The following CFHR4 variants were observed in gnomAD, a reference collection of about 807,000 sequenced individuals.
The protein encoded by CFHR4 is complement factor H-related protein 4.
CFHR4 carries 64 observed loss-of-function variants against 69.3 expected under a neutral mutation model. The ratio of observed to expected loss-of-function variants is 0.92; its 90% CI spans 0.76 to 1.14. The LOEUF (loss-of-function observed/expected upper bound fraction) is 1.14, where lower values mean the gene tolerates loss of function less well. Ranked by LOEUF, CFHR4 falls within the 50% of genes most tolerant of loss-of-function variation. CFHR4 has a pLI of 0.00. For missense variants in CFHR4, 636 were observed against 684.9 expected, an observed-to-expected ratio of 0.93 and a Z score of 0.80; for synonymous variants, 244 against 237.0, an observed-to-expected ratio of 1.03 and a Z score of -0.27.
intron 1 of CFHR4, among the ~76,000 whole-genome samples, chr1:196,892,579 G>A (rs1396900209): frequency 6.6e-6 from 1 of 151,202 alleles, no homozygotes; most frequent in Non-Finnish European, 1.5e-5. Flanking sequence ...TAGGGCATGG[G>A]TTATTTTTGC....
rs569821345 is a variant in CFHR4 at position 196,913,994 on chromosome 1, T to G, written c.1181-501T>G. Among the ~76,000 whole-genome samples the G allele has an allele frequency of 4.0e-4, 60 of 151,686 alleles. 2 individuals carry two copies. Among genetic ancestry groups the G allele is most frequent in the Admixed American group, 2.6e-3 (39 of 15,198 alleles). On this transcript the variant is annotated intron_variant, in intron 7 of 9. Coordinates refer to ENST00000608469, the MANE Select transcript of CFHR4 (RefSeq NM_001201550.3). The stretch of plus-strand genomic sequence containing the variant: ...TTCAATTTTACTCAGCTTTGATAAA[T>G]GATCTACTTTAAAACTTGTAAAATA...
chr1:196,918,074 A>T lies in CFHR4; in HGVS notation c.1541-136A>T, dbSNP rs1245009863. 2.2e-5 allele frequency: 21 copies of T among 965,638 alleles called. 1 individual carries two copies. The East Asian group carries it at 4.0e-4, about 19-fold the overall frequency. 59.8% of individuals were successfully genotyped at this position (965,638 alleles called of 1,614,324 possible). A position where few individuals can be genotyped will look rare whatever the true frequency, so the allele number is the denominator to read the frequency against. On this transcript the variant is annotated intron_variant, in intron 9 of 9. Transcript: ENST00000608469. ...TTTTGAAATGCTAAAGTCAGTATGT[A>T]GCACAAATTAATAACTATTAACTAT... is the stretch of plus-strand genomic sequence containing the variant.
intron 7 of CFHR4, among the ~76,000 whole-genome samples, chr1:196,913,904 T>A (rs1658424788): frequency 6.6e-6 from 1 of 151,374 alleles, no homozygotes; most frequent in Admixed American, 6.6e-5. Flanking sequence ...ATTCCTACAT[T>A]TCTAGAATAC....
Position 196,918,489 on chromosome 1 carries a change from A to G in CFHR4, c.*83A>G. On this transcript the variant is annotated 3_prime_UTR_variant, in exon 10 of 10. Transcript: ENST00000608469. ...AAAGCTTGCAAAGATAGCTTCTGAT[A>G]TTGTTGTAATTTCTACTTTATTTCA... 6.9e-6 allele frequency: 9 copies of G among 1,308,258 alleles called. No homozygotes were observed. Among genetic ancestry groups the G allele is most frequent in the Non-Finnish European group, 8.8e-6 (8 of 912,580 alleles). The allele number at this position is 1,308,258 out of a possible 1,614,324, so 81.0% of individuals were successfully genotyped here.
intron 1 of CFHR4, among the ~76,000 whole-genome samples, chr1:196,892,066 C>T (rs1657068638): frequency 6.6e-6 from 1 of 151,424 alleles, no homozygotes; most frequent in African/African-American, 2.4e-5. Flanking sequence ...AATGTGTGCA[C>T]CTGAACTGAC....
intron 1 of CFHR4, among the ~76,000 whole-genome samples, chr1:196,889,583 G>T (rs1656910929): frequency 6.6e-6 from 1 of 151,488 alleles, no homozygotes; most frequent in African/African-American, 2.4e-5. Context: ...GTAAACTTGA[G>T]AAAAATGTCT....
At position 196,901,498 on chromosome 1, in the gene CFHR4, C is replaced by CGT. The variant is rs1399442956; in HGVS notation, c.59-910_59-909dup. On this transcript the variant is annotated intron_variant, in intron 1 of 9. Coordinates refer to ENST00000608469, the MANE Select transcript of CFHR4 (RefSeq NM_001201550.3). Reference sequence around the variant, plus strand: ...AATGGAGATAATAAACAATATTGTGCGTGTGTGTGTGGTGCATATGTTGGA... The same window carrying CGT: ...AATGGAGATAATAAACAATATTGTGCGTGTGTGTGTGTGGTGCATATGTTGGA... Among the ~76,000 whole-genome samples, 3 of 150,820 alleles carry CGT rather than the reference C, an allele frequency of 2.0e-5. No individual in the cohort carries two copies. In the South Asian group the frequency reaches 6.2e-4, roughly 31 times the overall value.
chr1:196,917,658 G>GTGTATGTATGTA (rs112489050), intron 9 of CFHR4, among the ~76,000 whole-genome samples: 2 of 150,510 alleles, frequency 1.3e-5, no homozygotes, highest in Admixed American at 6.6e-5. Context: ...AGATATTGAG[G>GTGTATGTATGTA]TGTATGTATG....
Position 196,917,998 on chromosome 1 carries a change from C to T in CFHR4, c.1541-212C>T, listed in dbSNP as rs184420801. ...GCCAGGGTTCACGTTTATCACCTCACCTGATGATCTCTGCTGTGACGTTGG... is the reference window on the plus strand; with the variant it reads ...GCCAGGGTTCACGTTTATCACCTCATCTGATGATCTCTGCTGTGACGTTGG... On this transcript the variant is annotated intron_variant, in intron 9 of 9. Coordinates refer to ENST00000608469, the MANE Select transcript of CFHR4 (RefSeq NM_001201550.3). Among the ~76,000 whole-genome samples, 8 of 151,646 alleles carry T rather than the reference C, an allele frequency of 5.3e-5. 1 individual carries two copies. Among genetic ancestry groups the T allele is most frequent in the African/African-American group, 1.9e-4 (8 of 41,152 alleles).
rs762716997 is a variant in CFHR4, at chr1:196,907,317, T to C, written c.618T>C (p.Asn206=). Residue 206 remains asparagine, a splice_region_variant and synonymous_variant, in exon 5 of 10, where the codon AAT becomes AAC. Transcript: ENST00000608469. ...DGWSHLPTCY[N]SSENCGPPPP... ...CCAATGTAAAGTATTTTTTTTCAGA[T>C]TCTTCAGAAAACTGTGGGCCTCCTC... 1.2e-6 allele frequency: 2 copies of C among 1,609,120 alleles called. No homozygotes were observed. The highest frequency in any genetic ancestry group is 1.7e-5 in the Admixed American group (1 of 59,786).
At chr1:196,889,596 TA>T (rs1292230261) in intron 1 of CFHR4, among the ~76,000 whole-genome samples, 2 of 151,582 alleles carry the variant, frequency 1.3e-5, no homozygotes, top group Non-Finnish European at 2.9e-5. Flanking sequence ...AAATGTCTTG[TA>T]AATTTGGGTC....
chr1:196,896,286 A>G (rs543952611), intron 1 of CFHR4, among the ~76,000 whole-genome samples: 1 of 150,984 alleles, frequency 6.6e-6, no homozygotes, highest in South Asian at 2.1e-4. Context: ...CCTGTAGCAT[A>G]GACTTTAGGT....
In CFHR4 at chr1:196,914,586, C is replaced by T. The variant is rs542124899; in HGVS notation, c.1272C>T (p.Tyr424=). ...ATGACACATTGGACTACGAATGCTA[C>T]GATGGATATGAAATCAGTTATGGAA... The part of the protein sequence containing the change: ...KLHDTLDYEC[Y]DGYEISYGNT... Residue 424 remains tyrosine, a synonymous_variant, in exon 8 of 10, where the codon TAC becomes TAT. Transcript: ENST00000608469. The T allele has an allele frequency of 2.9e-5, 46 of 1,611,318 alleles. No individual in the cohort carries two copies. Among genetic ancestry groups the T allele is most frequent in the Non-Finnish European group, 3.3e-5 (39 of 1,178,996 alleles).
chr1:196,914,592 A>T lies in CFHR4; in HGVS notation c.1278A>T (p.Gly426=). The T allele has an allele frequency of 6.2e-7, 1 of 1,611,950 alleles. No individual in the cohort carries two copies. The highest frequency in any genetic ancestry group is 1.1e-5 in the South Asian group (1 of 90,876). The part of the protein sequence containing the change: ...HDTLDYECYD[G]YEISYGNTTG... ...CATTGGACTACGAATGCTACGATGG[A>T]TATGAAATCAGTTATGGAAACACCA... The change falls in exon 8 of 10, where the codon GGA becomes GGT. Residue 426 remains glycine, a synonymous_variant. Coordinates refer to ENST00000608469, the MANE Select transcript of CFHR4 (RefSeq NM_001201550.3).
intron 1 of CFHR4, 48 bp from the exon 2 acceptor site, chr1:196,902,370 T>C (rs559968296): frequency 2.0e-5 from 25 of 1,242,000 alleles, no homozygotes; most frequent in Non-Finnish European, 2.8e-5. Context: ...TATGATTATC[T>C]GTTATAGAAA....
intron 1 of CFHR4, among the ~76,000 whole-genome samples, chr1:196,889,589 T>G (rs1656911156): frequency 6.6e-6 from 1 of 151,460 alleles, no homozygotes; most frequent in Non-Finnish European, 1.5e-5. Context: ...TTGAGAAAAA[T>G]GTCTTGTAAA....
intron 3 of CFHR4, 55 bp from the exon 4 acceptor site, chr1:196,906,806 C>T: frequency 5.9e-6 from 9 of 1,522,796 alleles, no homozygotes; most frequent in South Asian, 1.3e-5. Context: ...CTTTCTTAGT[C>T]GAGTTGTACA....
rs1190596716 is a variant in CFHR4, at chr1:196,907,443, T to C, written c.744T>C (p.Gly248=). 6.2e-7 allele frequency: 1 copy of C among 1,612,162 alleles called. No homozygotes were observed. The part of the protein sequence containing the change: ...YQCQSYYELQ[G]SKYVTCSNGD... Reference sequence around the variant, plus strand: ...GCCAGTCCTACTATGAACTTCAGGGTTCTAAATATGTAACATGTAGTAATG... The same window carrying C: ...GCCAGTCCTACTATGAACTTCAGGGCTCTAAATATGTAACATGTAGTAATG... Residue 248 remains glycine, a synonymous_variant, in exon 5 of 10, where the codon GGT becomes GGC. Coordinates refer to ENST00000608469, the MANE Select transcript of CFHR4 (RefSeq NM_001201550.3).
rs372818378 is a variant in CFHR4 at position 196,888,465 on chromosome 1, A to G, written c.58+257A>G. Among the ~76,000 whole-genome samples, 9 of 151,370 alleles carry G rather than the reference A, an allele frequency of 5.9e-5. No homozygotes were observed. In the East Asian group the frequency reaches 1.5e-3, roughly 26 times the overall value. ...AAAAAGCATCTAATATTCATTATGG[A>G]GATATATGAATATACTCATAAAACT... On this transcript the variant is annotated intron_variant, in intron 1 of 9. Transcript: ENST00000608469.
Sources: gnomAD v4.1 joint callset for allele counts (sites outside exome capture counted in the v4.1 genomes callset) on GRCh38, gnomAD v4.1.1 for gene constraint, MANE v1.5 for transcripts, NCBI Gene and HGNC (gene_info 2026-07-23, HGNC 2026-07-21) for gene names.